Variants in ADAMTS17 observed in about 807,000 individuals in gnomAD.
The protein encoded by ADAMTS17 is A disintegrin and metalloproteinase with thrombospondin motifs 17.
A neutral mutation model predicts 141.5 loss-of-function variants in ADAMTS17; 113 were observed. The ratio of observed to expected loss-of-function variants is 0.80; its 90% CI spans 0.69 to 0.93. ADAMTS17 has a LOEUF of 0.93. ADAMTS17 is among the 40% of genes least tolerant of loss of function. ADAMTS17 has a pLI of 0.00. For synonymous variants in ADAMTS17, 768 were observed against 630.6 expected, an observed-to-expected ratio of 1.22 and a Z score of -3.27; for missense variants, 1,659 against 1,517.9, an observed-to-expected ratio of 1.09 and a Z score of -1.54.
intron 10 of ADAMTS17, among the ~76,000 whole-genome samples, chr15:100,151,395 G>A (rs981880242): frequency 1.3e-5 from 2 of 152,144 alleles, no homozygotes; most frequent in Non-Finnish European, 2.9e-5. Context: ...CTTATACTCA[G>A]ACAGGAAGCA....
At chr15:100,111,549 C>T (rs1235346599) in intron 13 of ADAMTS17, among the ~76,000 whole-genome samples, 1 of 152,258 alleles carries the variant, frequency 6.6e-6, no homozygotes, top group African/African-American at 2.4e-5. Context: ...TACAGCAACA[C>T]AGCCCCCAGC....
intron 3 of ADAMTS17, among the ~76,000 whole-genome samples, chr15:100,312,522 T>C (rs574885329): frequency 1.4e-4 from 22 of 152,326 alleles, no homozygotes; most frequent in Middle Eastern, 3.4e-3. Flanking sequence ...CAACACTAAG[T>C]TTGTGGTAAT....
At chr15:100,274,802 A>G (rs1160054342) in intron 4 of ADAMTS17, among the ~76,000 whole-genome samples, 1 of 151,850 alleles carries the variant, frequency 6.6e-6, no homozygotes, top group Non-Finnish European at 1.5e-5. Flanking sequence ...TTTCTTTTAT[A>G]TGTATACATA....
chr15:100,156,337 C>G (rs1271348839), intron 8 of ADAMTS17, among the ~76,000 whole-genome samples: 1 of 152,210 alleles, frequency 6.6e-6, no homozygotes, highest in African/African-American at 2.4e-5. Flanking sequence ...ATCCTGTCTT[C>G]TCTGCATGCC....
At chr15:100,022,830 C>G (rs562540709) in intron 18 of ADAMTS17, among the ~76,000 whole-genome samples, 2 of 152,116 alleles carry the variant, frequency 1.3e-5, no homozygotes, top group Non-Finnish European at 2.9e-5. Flanking sequence ...ACAGAAACCA[C>G]GTCCGTAAGC....
chr15:100,322,747 A>T (rs887746824), intron 3 of ADAMTS17, among the ~76,000 whole-genome samples: 1 of 152,212 alleles, frequency 6.6e-6, no homozygotes, highest in African/African-American at 2.4e-5. Context: ...GACACTACTT[A>T]AAAAATGGAA....
chr15:100,292,476 C>A (rs1381669994), intron 3 of ADAMTS17, among the ~76,000 whole-genome samples: 1 of 149,012 alleles, frequency 6.7e-6, no homozygotes, highest in South Asian at 2.2e-4. Context: ...GAGATACTCA[C>A]CCCGTGTGAA....
At chr15:100,187,271 C>T (rs1400318087) in intron 8 of ADAMTS17, among the ~76,000 whole-genome samples, 1 of 152,220 alleles carries the variant, frequency 6.6e-6, no homozygotes, top group Non-Finnish European at 1.5e-5. Flanking sequence ...CTTTACAACC[C>T]TTTGCAAATC....
chr15:99,981,713 T>C lies in ADAMTS17; in HGVS notation c.2950-5491A>G, dbSNP rs1254853985. On this transcript the variant is annotated intron_variant, in intron 20 of 21. Transcript: ENST00000268070. ...TTGGAAGACAAACCGTTATAAAAAT[T>C]TACCATGTCATCATATGGTTTCTGG... Among the ~76,000 whole-genome samples the C allele has an allele frequency of 4.6e-5, 7 of 152,214 alleles. No individual in the cohort carries two copies. The East Asian group carries it at 1.3e-3, about 29-fold the overall frequency.
rs1307703150 is a variant in ADAMTS17 at position 100,289,521 on chromosome 15, G to GACAC, written c.617-8124_617-8121dup. Among the ~76,000 whole-genome samples, 8 of 146,446 alleles carry GACAC rather than the reference G, an allele frequency of 5.5e-5. No individual in the cohort carries two copies. The East Asian group carries it at 1.0e-3, about 19-fold the overall frequency. On this transcript the variant is annotated intron_variant, in intron 3 of 21. Coordinates refer to ENST00000268070, the MANE Select transcript of ADAMTS17 (RefSeq NM_139057.4). ...ATCATTCTGATGCCAAAACCTTGCA[G>GACAC]ACACACACATACACACATACACACA...
chr15:100,128,679 A>C (rs924471900), intron 12 of ADAMTS17: 3 of 152,242 alleles, frequency 2.0e-5, no homozygotes, highest in Non-Finnish European at 2.9e-5. Context: ...TCCTGGGGCC[A>C]TGGGACCTGG....
chr15:100,038,192 A>G (rs1335755901), intron 18 of ADAMTS17, among the ~76,000 whole-genome samples: 10 of 152,200 alleles, frequency 6.6e-5, no homozygotes, highest in African/African-American at 2.4e-4. Context: ...GTGAAGATTT[A>G]TTTCTGGACT....
intron 7 of ADAMTS17, among the ~76,000 whole-genome samples, chr15:100,230,621 T>C (rs1462341351): frequency 6.6e-6 from 1 of 152,226 alleles, no homozygotes. Context: ...GCCTGACCAC[T>C]GGGTTGAGAT....
intron 8 of ADAMTS17, among the ~76,000 whole-genome samples, chr15:100,164,088 G>GCGCTAGCT (rs1412551484): frequency 6.6e-6 from 1 of 152,138 alleles, no homozygotes; most frequent in Admixed American, 6.5e-5. Flanking sequence ...CAGGCACCAG[G>GCGCTAGCT]CGCTAGCTGC....
At chr15:100,226,084 A>G (rs1220292677) in intron 7 of ADAMTS17, among the ~76,000 whole-genome samples, 1 of 143,150 alleles carries the variant, frequency 7.0e-6, no homozygotes, top group South Asian at 2.2e-4. Context: ...GTGCCCATTC[A>G]GTCCTTACAG....
intron 15 of ADAMTS17, among the ~76,000 whole-genome samples, chr15:100,064,085 T>C (rs1317908532): frequency 1.3e-5 from 2 of 151,946 alleles, no homozygotes; most frequent in African/African-American, 4.8e-5. Context: ...CTGGAGTAGG[T>C]AGGCCTAATC....
intron 8 of ADAMTS17, among the ~76,000 whole-genome samples, chr15:100,188,468 T>C (rs1360740629): frequency 6.6e-6 from 1 of 152,060 alleles, no homozygotes; most frequent in Non-Finnish European, 1.5e-5. Flanking sequence ...GACATTCTTC[T>C]TCAGTGTTTC....
chr15:100,203,123 T>G (rs916513857), intron 7 of ADAMTS17, among the ~76,000 whole-genome samples: 1 of 152,204 alleles, frequency 6.6e-6, no homozygotes, highest in African/African-American at 2.4e-5. Flanking sequence ...TTGGCAGGCA[T>G]GACTGGTCCC....
At chr15:100,168,955 G>A (rs535352421) in intron 8 of ADAMTS17, among the ~76,000 whole-genome samples, 3 of 152,336 alleles carry the variant, frequency 2.0e-5, no homozygotes, top group Admixed American at 6.5e-5. Context: ...CACATTCCCC[G>A]GAGGGGCGAC....
Sources: gnomAD v4.1 joint callset for allele counts (sites outside exome capture counted in the v4.1 genomes callset) on GRCh38, gnomAD v4.1.1 for gene constraint, MANE v1.5 for transcripts, NCBI Gene and HGNC (gene_info 2026-07-23, HGNC 2026-07-21) for gene names.